ACSBG2: variants seen among roughly 807,000 people sequenced by gnomAD.
The protein encoded by ACSBG2 is long-chain-fatty-acid--CoA ligase ACSBG2.
Under a neutral mutation model 74.7 loss-of-function variants are expected in ACSBG2, and 62 were observed. The observed-to-expected ratio is 0.83, with a 90% CI of 0.68 to 1.03. ACSBG2 has a LOEUF of 1.03. ACSBG2 is among the 50% of genes least tolerant of loss of function. The pLI, the probability that ACSBG2 is intolerant of heterozygous loss-of-function variation, is 0.00. For synonymous variants in ACSBG2, 309 were observed against 294.1 expected (o/e 1.05, Z -0.52); for missense variants, 730 against 817.6 (o/e 0.89, Z 1.31).
intron 8 of ACSBG2, among the ~76,000 whole-genome samples, chr19:6,181,816 C>G (rs1217373333): frequency 9.3e-6 from 1 of 107,398 alleles, no homozygotes; most frequent in Non-Finnish European, 1.8e-5. Flanking sequence ...CCCACCCGCC[C>G]CCCCCCCCAA....
intron 13 of ACSBG2, chr19:6,189,968 A>C (rs2090516366): frequency 6.5e-6 from 1 of 152,840 alleles, no homozygotes; most frequent in South Asian, 2.1e-4. Flanking sequence ...TTGGCCTCCC[A>C]AAGTGCTGGG....
At chr19:6,155,033 C>G (rs1376766379) in intron 4 of ACSBG2, among the ~76,000 whole-genome samples, 6 of 152,194 alleles carry the variant, frequency 3.9e-5, no homozygotes, top group Admixed American at 3.9e-4. Flanking sequence ...ACCCTTAGCA[C>G]AGTGCTTAGC....
intron 5 of ACSBG2, 56 bp downstream of exon 5, chr19:6,156,607 T>TGGGCA: frequency 6.9e-6 from 10 of 1,455,870 alleles, no homozygotes; most frequent in Non-Finnish European, 9.1e-6. Context: ...CTCAGGGCTC[T>TGGGCA]GGGCAGGTGT....
In ACSBG2 at chr19:6,174,810, CTCA is replaced by C. The variant is rs150683826; in HGVS notation, c.739-2410_739-2408del. On this transcript the variant is annotated intron_variant, in intron 7 of 14. Coordinates refer to ENST00000588485, the MANE Select transcript of ACSBG2 (RefSeq NM_030924.5). This position sits in a 1 kb window ranked among gnomAD's most constrained non-coding sequence, Gnocchi z 4.2. ...CCTGGGTGACAGAGTGAGGCCCTGT[CTCA>C]TCATCATCTTTACAGCAAGAAGTTA... Among the ~76,000 whole-genome samples, 3,505 of 152,222 alleles carry C rather than the reference CTCA, an allele frequency of 0.023. 118 individuals are homozygous for C. The highest frequency in any genetic ancestry group is 0.075 in the African/African-American group (3,133 of 41,512).
At chr19:6,172,882 G>A (rs1175394105) in intron 7 of ACSBG2, among the ~76,000 whole-genome samples, 6 of 152,262 alleles carry the variant, frequency 3.9e-5, no homozygotes, top group Middle Eastern at 6.8e-3. Context: ...GGTAGGGGCA[G>A]GGAATGCACC....
rs1451169349 is a variant in ACSBG2 at position 6,187,305 on chromosome 19, T to C, written c.1563T>C (p.Gly521=). 4 of 1,613,898 alleles carry C rather than the reference T, an allele frequency of 2.5e-6. No homozygotes were observed. The South Asian group carries it at 4.4e-5, about 18-fold the overall frequency. Residue 521 remains glycine (G), a synonymous_variant, in exon 12 of 15, where the codon GGT becomes GGC. Coordinates refer to ENST00000588485, the MANE Select transcript of ACSBG2 (RefSeq NM_030924.5). ...HIKEILITAG[G]ENVPPIPVET... is the part of the protein sequence containing the mutation. ...CAGAAATCCTTATCACTGCTGGTGG[T>C]GAAAATGTGCCCCCCATTCCTGTTG... is the stretch of plus-strand genomic sequence containing the variant.
intron 7 of ACSBG2, among the ~76,000 whole-genome samples, chr19:6,168,998 C>T (rs1401691928): frequency 6.6e-6 from 1 of 152,142 alleles, no homozygotes; most frequent in Non-Finnish European, 1.5e-5. Flanking sequence ...AGGCTGGTCT[C>T]GAACTCCTGA....
intron 10 of ACSBG2, 122 bp downstream of exon 10, chr19:6,183,394 C>T: frequency 1.2e-6 from 1 of 817,668 alleles, no homozygotes; most frequent in Non-Finnish European, 1.9e-6. Flanking sequence ...CAGAATGATC[C>T]TGTTCTCCAG....
intron 3 of ACSBG2, among the ~76,000 whole-genome samples, chr19:6,149,193 T>C (rs1314152057): frequency 1.3e-5 from 2 of 152,058 alleles, no homozygotes; most frequent in Non-Finnish European, 2.9e-5. Context: ...AAGTAGAAAT[T>C]AGTCGGTGTA....
In ACSBG2 at chr19:6,180,501, A is replaced by C. The variant is rs1432703442; in HGVS notation, c.907-2250A>C. On this transcript the variant is annotated intron_variant, in intron 8 of 14. Coordinates refer to ENST00000588485, the MANE Select transcript of ACSBG2 (RefSeq NM_030924.5). This position sits in a 1 kb window ranked among gnomAD's most constrained non-coding sequence, Gnocchi z 4.3. Reference sequence around the variant, plus strand: ...CAATACATATTTCCTTTCTTGGCTGAATACATAATACATACACATTTACCT... The same window carrying C: ...CAATACATATTTCCTTTCTTGGCTGCATACATAATACATACACATTTACCT... Among the ~76,000 whole-genome samples, 7 of 152,206 alleles carry C rather than the reference A, an allele frequency of 4.6e-5. No individual in the cohort carries two copies. The highest frequency in any genetic ancestry group is 7.3e-5 in the Non-Finnish European group (5 of 68,036).
intron 6 of ACSBG2, among the ~76,000 whole-genome samples, chr19:6,164,588 A>G (rs964190533): frequency 6.6e-6 from 1 of 151,998 alleles, no homozygotes; most frequent in Admixed American, 6.6e-5. Context: ...GCCTGCCACC[A>G]CACCCGGCTA....
At chr19:6,161,867 G>A (rs2089633813) in intron 6 of ACSBG2, among the ~76,000 whole-genome samples, 1 of 151,892 alleles carries the variant, frequency 6.6e-6, no homozygotes, top group African/African-American at 2.4e-5. Flanking sequence ...ACCAAAACTG[G>A]TGGCTAAAAA....
At position 6,147,309 on chromosome 19, in the gene ACSBG2, G is replaced by A. The variant is rs899458464; in HGVS notation, c.68-137G>A. ...AAAGGAAGCTTGTCTTGCCAGTGTTGACCACATAACTTCACCCTAGAAGGG... is the reference window on the plus strand; with the variant it reads ...AAAGGAAGCTTGTCTTGCCAGTGTTAACCACATAACTTCACCCTAGAAGGG... On this transcript the variant is annotated intron_variant, in intron 2 of 14. Transcript: ENST00000588485. The A allele has an allele frequency of 2.1e-5, 14 of 659,756 alleles. No homozygotes were observed. In the African/African-American group the frequency reaches 2.5e-4, roughly 12 times the overall value. The allele number at this position is 659,756 out of a possible 1,614,324, so 40.9% of individuals were successfully genotyped here.
chr19:6,159,903 G>A (rs2089549885), intron 5 of ACSBG2, among the ~76,000 whole-genome samples: 2 of 152,150 alleles, frequency 1.3e-5, no homozygotes, highest in African/African-American at 4.8e-5. Context: ...CTCCTTGAAT[G>A]TCTGTTTCTT....
intron 7 of ACSBG2, chr19:6,175,875 A>T (rs1337225765): frequency 6.5e-6 from 1 of 152,992 alleles, no homozygotes; most frequent in Non-Finnish European, 1.5e-5. Context: ...CCATAGTTCT[A>T]TATTGGACCT....
chr19:6,151,661 T>C, intron 3 of ACSBG2, 46 bp from the exon 4 acceptor site: 1 of 1,520,924 alleles, frequency 6.6e-7, no homozygotes, highest in South Asian at 1.2e-5. Context: ...TGATATAACA[T>C]CTCTGTGTTT....
At chr19:6,176,184 C>A in intron 7 of ACSBG2, 1 of 762,590 alleles carries the variant, frequency 1.3e-6, no homozygotes. Context: ...GGGCTTTACC[C>A]AAAAAAATCT....
chr19:6,136,452 T>G (rs2144963471), intron 1 of ACSBG2, among the ~76,000 whole-genome samples: 1 of 152,010 alleles, frequency 6.6e-6, no homozygotes, highest in South Asian at 2.1e-4. Flanking sequence ...GGTCTTGAAC[T>G]TCTGACCTCA....
chr19:6,139,755 T>C (rs1027453698), intron 1 of ACSBG2, among the ~76,000 whole-genome samples: 1 of 152,174 alleles, frequency 6.6e-6, no homozygotes, highest in African/African-American at 2.4e-5. Flanking sequence ...TCTGGAGACA[T>C]TTTTGATTGG....
Sources: allele counts gnomAD v4.1 joint callset (sites outside exome capture counted in the v4.1 genomes callset), GRCh38; gene constraint gnomAD v4.1.1; non-coding constraint Gnocchi (gnomAD v3.1); transcripts MANE v1.5; gene names NCBI Gene and HGNC (gene_info 2026-07-23, HGNC 2026-07-21).